Variants in SGCD observed in about 807,000 individuals in gnomAD.
SGCD encodes delta-sarcoglycan.
In SGCD, 18 loss-of-function variants were observed where a neutral mutation model predicts 36.6. The observed-to-expected ratio is 0.49, with a 90% CI of 0.34 to 0.73. SGCD has a LOEUF of 0.73. SGCD is among the 30% of genes least tolerant of loss of function. The pLI is 0.01. For missense variants in SGCD, 387 were observed against 346.7 expected, an observed-to-expected ratio of 1.12 and a Z score of -0.92; for synonymous variants, 133 against 130.6, an observed-to-expected ratio of 1.02 and a Z score of -0.12.
At chr5:155,889,457 G>A (rs1365338988) in intron 1 of SGCD, among the ~76,000 whole-genome samples, 1 of 152,038 alleles carries the variant, frequency 6.6e-6, no homozygotes, top group Non-Finnish European at 1.5e-5. Context: ...TTTGAGTTTT[G>A]CTGCATAGAA....
At chr5:156,524,273 A>C (rs1335542472) in intron 4 of SGCD, among the ~76,000 whole-genome samples, 1 of 119,572 alleles carries the variant, frequency 8.4e-6, no homozygotes, top group African/African-American at 3.2e-5. Context: ...GTTTATATAT[A>C]GTAATATATA....
At chr5:156,307,262 A>G in intron 3 of SGCD, among the ~76,000 whole-genome samples, 1 of 152,104 alleles carries the variant, frequency 6.6e-6, no homozygotes, top group East Asian at 1.9e-4. Context: ...TGCCTAGGCT[A>G]GTCTTGAACT....
At chr5:156,478,870 T>C (rs566207233) in intron 3 of SGCD, among the ~76,000 whole-genome samples, 1 of 151,480 alleles carries the variant, frequency 6.6e-6, no homozygotes, top group Non-Finnish European at 1.5e-5. Flanking sequence ...GCTGAGCCAC[T>C]GTGCCCAGCT....
chr5:156,506,211 T>A (rs925244761), intron 3 of SGCD, among the ~76,000 whole-genome samples: 1 of 152,194 alleles, frequency 6.6e-6, no homozygotes, highest in Non-Finnish European at 1.5e-5. Context: ...ATAATCATGT[T>A]GGTATTATTC....
At chr5:156,073,103 G>A (rs1760637610) in intron 1 of SGCD, among the ~76,000 whole-genome samples, 1 of 152,170 alleles carries the variant, frequency 6.6e-6, no homozygotes, top group African/African-American at 2.4e-5. Flanking sequence ...GGAGTAGTTT[G>A]GTCATCTGAA....
intron 7 of SGCD, among the ~76,000 whole-genome samples, chr5:156,710,056 C>T (rs1011570543): frequency 2.6e-5 from 4 of 151,990 alleles, no homozygotes; most frequent in Admixed American, 1.3e-4. Context: ...AGTTTTCTTG[C>T]GTCCTGAGCC....
the SGCD span, among the ~76,000 whole-genome samples, chr5:155,799,942 C>T: frequency 4.7e-5 from 7 of 149,932 alleles, no homozygotes; most frequent in African/African-American, 1.7e-4. Flanking sequence ...CCTCAGCCTT[C>T]CAAGTAGCTA....
chr5:156,365,337 C>T (rs193232848), intron 3 of SGCD, among the ~76,000 whole-genome samples: 20 of 152,278 alleles, frequency 1.3e-4, no homozygotes, highest in East Asian at 3.9e-4. Context: ...CTCTGGGAGG[C>T]GTCTTCATGA....
intron 4 of SGCD, among the ~76,000 whole-genome samples, chr5:156,558,125 T>TATATATATATATATA (rs56304932): frequency 0.029 from 3,140 of 107,208 alleles, 221 homozygotes; most frequent in Non-Finnish European, 0.039. Context: ...ATATATATAT[T>TATATATATATATATA]ATTTAACTCT....
At chr5:156,578,847 G>A (rs530068290) in intron 4 of SGCD, among the ~76,000 whole-genome samples, 2 of 152,008 alleles carry the variant, frequency 1.3e-5, no homozygotes, top group Non-Finnish European at 2.9e-5. Context: ...CAATTTTGTT[G>A]ATCTTTTCAA....
chr5:156,579,137 A>G (rs1162010230), intron 4 of SGCD, among the ~76,000 whole-genome samples: 6 of 152,228 alleles, frequency 3.9e-5, no homozygotes, highest in African/African-American at 1.2e-4. Flanking sequence ...GTTTCAAAGA[A>G]CATCCTTATT....
chr5:156,229,277 C>CACACATATATATATATATATATATAT (rs1554085595), intron 3 of SGCD, among the ~76,000 whole-genome samples: 1 of 56,502 alleles, frequency 1.8e-5, no homozygotes, highest in Non-Finnish European at 3.3e-5. Flanking sequence ...TATATACATA[C>CACACATATATATATATATATATATAT]ATATATATAT....
intron 1 of SGCD, among the ~76,000 whole-genome samples, chr5:156,099,205 T>C (rs1390987756): frequency 2.0e-5 from 3 of 152,170 alleles, no homozygotes; most frequent in African/African-American, 4.8e-5. Context: ...ACAGTTCTTT[T>C]TGGTTGTCTC....
chr5:156,309,870 C>CTGT lies in SGCD; in HGVS notation c.-43-19650_-43-19648dup, dbSNP rs965449251. On this transcript the variant is annotated intron_variant, in intron 3 of 9. Coordinates refer to the SGCD transcript ENST00000517913. ...CAGGTCTTTTTTTTAGTGATATTTTCTGTTGTTGTTGTTGTTTTTCTTTCT... is the reference window on the plus strand; with the variant it reads ...CAGGTCTTTTTTTTAGTGATATTTTCTGTTGTTGTTGTTGTTGTTTTTCTTTCT... Among the ~76,000 whole-genome samples the CTGT allele has an allele frequency of 2.3e-4, 35 of 151,916 alleles. 1 individual carries two copies. The highest frequency in any genetic ancestry group is 8.0e-4 in the African/African-American group (33 of 41,410).
chr5:156,343,333 A>T (rs1162199846), intron 2 of SGCD, among the ~76,000 whole-genome samples: 2 of 152,196 alleles, frequency 1.3e-5, no homozygotes, highest in Non-Finnish European at 2.9e-5. Context: ...GGGCTGTACC[A>T]TTATCTGAAT....
intron 3 of SGCD, among the ~76,000 whole-genome samples, chr5:156,495,358 A>G (rs256841): frequency 0.25 from 37,655 of 152,024 alleles, 4,870 homozygotes; most frequent in East Asian, 0.41. Context: ...CGCTAGTGCC[A>G]GGTGTACGCA....
intron 7 of SGCD, among the ~76,000 whole-genome samples, chr5:156,647,980 T>C (rs1383230437): frequency 6.6e-6 from 1 of 152,150 alleles, no homozygotes; most frequent in East Asian, 1.9e-4. Flanking sequence ...CTGCAGATGT[T>C]CCAGGTGCTG....
At chr5:156,102,312 T>G (rs1761539622) in intron 1 of SGCD, among the ~76,000 whole-genome samples, 1 of 152,118 alleles carries the variant, frequency 6.6e-6, no homozygotes, top group Non-Finnish European at 1.5e-5. Context: ...TTGACTAAAC[T>G]GTTATAACTC....
At chr5:156,281,252 G>GT (rs1766444373) in intron 3 of SGCD, among the ~76,000 whole-genome samples, 1 of 152,042 alleles carries the variant, frequency 6.6e-6, no homozygotes. Flanking sequence ...TTCCTGATTT[G>GT]TGTCCCCTTC....
Sources: allele counts gnomAD v4.1 joint callset (sites outside exome capture counted in the v4.1 genomes callset), GRCh38; gene constraint gnomAD v4.1.1; transcripts MANE v1.5; gene names NCBI Gene and HGNC (gene_info 2026-07-23, HGNC 2026-07-21).